CCDC7: variants seen among roughly 807,000 people sequenced by gnomAD.
The protein encoded by CCDC7 is coiled-coil domain-containing protein 7.
A neutral mutation model predicts 196.9 loss-of-function variants in CCDC7; 183 were observed. The observed-to-expected ratio is 0.93, with a 90% confidence interval of 0.82 to 1.05. The LOEUF (loss-of-function observed/expected upper bound fraction) is 1.05. Ranked by LOEUF, CCDC7 falls within the 50% of genes least tolerant of loss-of-function variation. The pLI, the probability that CCDC7 is intolerant of heterozygous loss-of-function variation, is 0.00. For synonymous variants in CCDC7, 525 were observed against 484.6 expected, an observed-to-expected ratio of 1.08 and a Z score of -1.10; for missense variants, 1,540 against 1,482.2, an observed-to-expected ratio of 1.04 and a Z score of -0.64.
chr10:32,738,325 C>G (rs896412390), intron 28 of CCDC7, among the ~76,000 whole-genome samples: 2 of 152,012 alleles, frequency 1.3e-5, no homozygotes, highest in African/African-American at 4.8e-5. Context: ...ATTCCCATTT[C>G]CTGCCTTTTG....
intron 7 of CCDC7, among the ~76,000 whole-genome samples, chr10:32,473,509 G>C (rs189309579): frequency 5.9e-5 from 9 of 152,282 alleles, no homozygotes; most frequent in Admixed American, 1.3e-4. Flanking sequence ...TTTTAGAGAA[G>C]TTTTTTCCTG....
chr10:32,514,982 G>T (rs569627069), intron 9 of CCDC7, among the ~76,000 whole-genome samples: 2 of 152,182 alleles, frequency 1.3e-5, no homozygotes, highest in South Asian at 2.1e-4. Context: ...GAACCACCAT[G>T]CCTGGCAATT....
intron 18 of CCDC7, among the ~76,000 whole-genome samples, chr10:32,619,727 G>T (rs1454260115): frequency 6.6e-6 from 1 of 151,928 alleles, no homozygotes; most frequent in East Asian, 1.9e-4. Context: ...TGAGCAGCTA[G>T]GACTACAGGC....
chr10:32,520,024 A>G (rs1393734926), intron 11 of CCDC7, among the ~76,000 whole-genome samples: 1 of 152,092 alleles, frequency 6.6e-6, no homozygotes. Flanking sequence ...TTCCAGTTCC[A>G]TCTATGTTGT....
rs60002951 is a variant in CCDC7 at position 32,459,646 on chromosome 10, A to ATTTTTTTTTT, written c.457-3019_457-3010dup. Among the ~76,000 whole-genome samples, 24 of 68,716 alleles carry ATTTTTTTTTT rather than the reference A, an allele frequency of 3.5e-4. 3 individuals are homozygous for ATTTTTTTTTT. Among genetic ancestry groups the ATTTTTTTTTT allele is most frequent in the African/African-American group, 1.1e-3 (16 of 13,950 alleles). 45.1% of individuals were successfully genotyped at this position (68,716 alleles called of 152,430 possible). On this transcript the variant is annotated intron_variant, in intron 3 of 41. Coordinates refer to ENST00000639629, the Ensembl canonical transcript of CCDC7. Reference sequence around the variant, plus strand: ...AAGCCTTTGGACTTCCCTGCTGCACATTTTTTTTTTTTTTTTTTTTTTTTT... The same window carrying ATTTTTTTTTT: ...AAGCCTTTGGACTTCCCTGCTGCACATTTTTTTTTTTTTTTTTTTTTTTTTTTTTTTTTTT...
At chr10:32,585,906 G>A (rs1291502647) in intron 18 of CCDC7, among the ~76,000 whole-genome samples, 1 of 152,064 alleles carries the variant, frequency 6.6e-6, no homozygotes, top group African/African-American at 2.4e-5. Flanking sequence ...GGGATTGCCG[G>A]GTCAAATGGT....
chr10:32,844,853 T>A (rs2093186593), intron 33 of CCDC7, among the ~76,000 whole-genome samples: 1 of 151,756 alleles, frequency 6.6e-6, no homozygotes, highest in Non-Finnish European at 1.5e-5. Context: ...TCTACTATAA[T>A]AATAAAAACT....
chr10:32,652,527 T>C (rs1473323816), intron 20 of CCDC7, among the ~76,000 whole-genome samples: 1 of 152,166 alleles, frequency 6.6e-6, no homozygotes, highest in Admixed American at 6.5e-5. Context: ...TTTTCTCTGA[T>C]GGTATGTTTT....
At chr10:32,835,364 G>C (rs1283140485) in intron 33 of CCDC7, among the ~76,000 whole-genome samples, 2 of 151,926 alleles carry the variant, frequency 1.3e-5, no homozygotes, top group Non-Finnish European at 2.9e-5. Flanking sequence ...TAGATCTTCT[G>C]GTTGAATTGA....
intron 29 of CCDC7, among the ~76,000 whole-genome samples, chr10:32,797,195 A>ATGTG (rs1473461554): frequency 2.6e-4 from 38 of 145,216 alleles, no homozygotes; most frequent in Non-Finnish European, 4.1e-4. Flanking sequence ...ATATATACGT[A>ATGTG]TATATATACA....
chr10:32,509,371 G>T (rs11818988), intron 9 of CCDC7, among the ~76,000 whole-genome samples: 2 of 151,904 alleles, frequency 1.3e-5, no homozygotes, highest in African/African-American at 4.8e-5. Context: ...GAATGATGTT[G>T]GACCTTCATG....
chr10:32,729,775 A>G (rs938381065), intron 28 of CCDC7, among the ~76,000 whole-genome samples: 4 of 152,098 alleles, frequency 2.6e-5, no homozygotes, highest in Non-Finnish European at 5.9e-5. Context: ...TTCAAAAAAC[A>G]GTTTTTTCCT....
chr10:32,810,188 C>T (rs1387889527), intron 30 of CCDC7, among the ~76,000 whole-genome samples: 2 of 152,070 alleles, frequency 1.3e-5, no homozygotes, highest in Non-Finnish European at 2.9e-5. Flanking sequence ...TAAGTTCTCA[C>T]ATATCAATAT....
At chr10:32,556,417 T>C (rs531566079) in intron 13 of CCDC7, among the ~76,000 whole-genome samples, 39 of 152,322 alleles carry the variant, frequency 2.6e-4, no homozygotes, top group Admixed American at 1.6e-3. Flanking sequence ...CTTCTTGCTC[T>C]TGTTTCTCAT....
chr10:32,537,363 A>C (rs11819007), intron 11 of CCDC7, among the ~76,000 whole-genome samples: 8,074 of 151,990 alleles, frequency 0.053, 712 homozygotes, highest in African/African-American at 0.18. Flanking sequence ...TTCCTTGTAA[A>C]TTTGTTTAAG....
intron 29 of CCDC7, among the ~76,000 whole-genome samples, chr10:32,800,442 C>T (rs1032504241): frequency 6.6e-6 from 1 of 152,090 alleles, no homozygotes; most frequent in Admixed American, 6.5e-5. Context: ...GTCCAAGGAC[C>T]CACTGGAGCC....
chr10:32,755,629 T>C (rs2076309082), intron 28 of CCDC7, among the ~76,000 whole-genome samples: 1 of 152,024 alleles, frequency 6.6e-6, no homozygotes, highest in Non-Finnish European at 1.5e-5. Flanking sequence ...CAAAGTTAGA[T>C]AAAACCACAA....
Position 32,661,228 on chromosome 10 carries a change from T to C in CCDC7, c.2015-2826T>C, listed in dbSNP as rs976343759. On this transcript the variant is annotated intron_variant, in intron 20 of 41. Transcript: ENST00000639629. The stretch of plus-strand genomic sequence containing the variant: ...CAAAAAACACATGAAAAAATGCTCA[T>C]CATCACTGGCCATCAGAGAAATGCA... 5.2e-3 allele frequency among the ~76,000 whole-genome samples: 598 copies of C among 115,264 alleles called. 1 individual carries two copies. The highest frequency in any genetic ancestry group is 7.8e-3 in the Admixed American group (89 of 11,378). The allele number at this position is 115,264 out of a possible 152,430, so 75.6% of individuals were successfully genotyped here.
At chr10:32,728,897 A>T in exon 27 of CCDC7, 1 of 1,591,250 alleles carries the variant, frequency 6.3e-7, no homozygotes, top group Non-Finnish European at 8.6e-7. Context: ...CTCGTATTGT[A>T]GTACCAAATG....
Sources: gnomAD v4.1 joint callset for allele counts (sites outside exome capture counted in the v4.1 genomes callset) on GRCh38, gnomAD v4.1.1 for gene constraint, MANE v1.5 for transcripts, NCBI Gene and HGNC (gene_info 2026-07-23, HGNC 2026-07-21) for gene names.